LMO7: variants seen among roughly 807,000 people sequenced by gnomAD.
The protein encoded by LMO7 is LIM domain only protein 7.
LMO7 carries 120 observed loss-of-function variants against 206.5 expected under a neutral mutation model. The observed-to-expected ratio is 0.58, with a 90% CI of 0.50 to 0.68. The LOEUF is 0.68. Ranked by LOEUF, LMO7 falls within the 30% of genes least tolerant of loss-of-function variation. The pLI, the probability that LMO7 is intolerant of heterozygous loss-of-function variation, is 0.00. For synonymous variants in LMO7, 706 were observed against 681.5 expected (o/e 1.04, Z -0.56); for missense variants, 1,959 against 1,957.9 (o/e 1.00, Z -0.01).
At chr13:75,685,550 A>G (rs1373329504) in intron 1 of LMO7, among the ~76,000 whole-genome samples, 1 of 152,176 alleles carries the variant, frequency 6.6e-6, no homozygotes, top group Non-Finnish European at 1.5e-5. Flanking sequence ...AGCCTGTGGA[A>G]TATTTGCTTG....
At chr13:75,834,413 G>A (rs2058948026) in intron 17 of LMO7, 26 bp downstream of exon 17, 1 of 1,527,694 alleles carries the variant, frequency 6.5e-7, no homozygotes, top group Non-Finnish European at 8.8e-7. Flanking sequence ...CACCATGTCT[G>A]GCATTTGAAA....
rs561589777 is a variant in LMO7, at chr13:75,706,028, G to A, written c.70-7154G>A. ...TAACAGCTAGCATTTGTGAGTGCTTGTCTTGGGTCAGGCAAGTGCTAAGTG... is the reference window on the plus strand; with the variant it reads ...TAACAGCTAGCATTTGTGAGTGCTTATCTTGGGTCAGGCAAGTGCTAAGTG... On this transcript the variant is annotated intron_variant, in intron 1 of 30. Coordinates refer to ENST00000377534, the MANE Select transcript of LMO7 (RefSeq NM_001306080.2). Among the ~76,000 whole-genome samples, 4 of 152,258 alleles carry A rather than the reference G, an allele frequency of 2.6e-5. No homozygotes were observed. In the South Asian group the frequency reaches 8.3e-4, roughly 32 times the overall value.
chr13:75,656,243 G>A (rs1282701906), intron 1 of LMO7, among the ~76,000 whole-genome samples: 3 of 152,134 alleles, frequency 2.0e-5, no homozygotes, highest in African/African-American at 7.2e-5. Flanking sequence ...CACTCTCTGG[G>A]GGCCAAATAC....
intron 4 of LMO7, among the ~76,000 whole-genome samples, chr13:75,778,630 G>A (rs2050859393): frequency 6.6e-6 from 1 of 152,196 alleles, no homozygotes; most frequent in Non-Finnish European, 1.5e-5. Flanking sequence ...ATTGGCAGTC[G>A]TTCCAGGCGT....
intron 2 of LMO7, among the ~76,000 whole-genome samples, chr13:75,717,315 A>T (rs1723157420): frequency 6.9e-6 from 1 of 145,124 alleles, no homozygotes. Flanking sequence ...GTGAGTGGAG[A>T]TGGTACCACT....
chr13:75,716,466 A>C (rs1044627029), intron 2 of LMO7, among the ~76,000 whole-genome samples: 3 of 152,162 alleles, frequency 2.0e-5, no homozygotes, highest in Non-Finnish European at 4.4e-5. Context: ...TTGGGATTTC[A>C]TCAAGGAATA....
chr13:75,791,495 A>C (rs1055542206), intron 4 of LMO7, among the ~76,000 whole-genome samples: 2 of 152,198 alleles, frequency 1.3e-5, no homozygotes, highest in African/African-American at 4.8e-5. Flanking sequence ...ATTTAACCAG[A>C]ATTTGAGAGC....
chr13:75,859,752 C>T lies in LMO7; in HGVS notation c.*1809C>T, dbSNP rs1209830862. On this transcript the variant is annotated 3_prime_UTR_variant, in exon 31 of 31. Transcript: ENST00000377534. Reference sequence around the variant, plus strand: ...CCTATAAGCAGCACGTGGGCTTGTTCATCTCACTGCATGTTTATGAAGATA... The same window carrying T: ...CCTATAAGCAGCACGTGGGCTTGTTTATCTCACTGCATGTTTATGAAGATA... 2 of 152,132 alleles carry T rather than the reference C, an allele frequency of 1.3e-5. No individual in the cohort carries two copies. The highest frequency in any genetic ancestry group is 4.8e-5 in the African/African-American group (2 of 41,426). The allele number at this position is 152,132 out of a possible 1,614,324, so 9.4% of individuals were successfully genotyped here.
intron 11 of LMO7, among the ~76,000 whole-genome samples, chr13:75,812,464 T>C (rs1176537593): frequency 6.6e-6 from 1 of 151,156 alleles, no homozygotes; most frequent in Non-Finnish European, 1.5e-5. Flanking sequence ...ATGGAATTTC[T>C]GTTTGCCGTA....
rs779966190 is a variant in LMO7 at position 75,807,909 on chromosome 13, T to C, written c.1626T>C (p.Pro542=). Residue 542 remains proline, a synonymous_variant, in exon 10 of 31, where the codon CCT becomes CCC. Transcript: ENST00000377534. ...CCCCAGATAGATACCACCCAGTCCC[T>C]TTTCCCGAACCCTGGACTCTTCCTC... is the stretch of plus-strand genomic sequence containing the variant. ...SGAPDRYHPV[P]FPEPWTLPPE... is the part of the protein sequence containing the mutation. 5.0e-6 allele frequency: 8 copies of C among 1,613,754 alleles called. No individual in the cohort carries two copies. The South Asian group carries it at 8.8e-5, about 18-fold the overall frequency.
intron 13 of LMO7, among the ~76,000 whole-genome samples, chr13:75,820,322 T>G (rs1470863311): frequency 6.6e-6 from 1 of 152,220 alleles, no homozygotes; most frequent in Non-Finnish European, 1.5e-5. Flanking sequence ...TTTTAATCCC[T>G]GATAAATGTT....
At chr13:75,727,637 T>G (rs1314043737) in intron 3 of LMO7, among the ~76,000 whole-genome samples, 2 of 152,142 alleles carry the variant, frequency 1.3e-5, no homozygotes, top group Admixed American at 6.6e-5. Context: ...TTTTTATTAT[T>G]ATTATACTTT....
At chr13:75,811,994 CAA>C (rs2056449785) in intron 11 of LMO7, among the ~76,000 whole-genome samples, 1 of 151,862 alleles carries the variant, frequency 6.6e-6, no homozygotes, top group African/African-American at 2.4e-5. Context: ...CTTATGACAG[CAA>C]AAAAGAAAGG....
At chr13:75,819,180 G>A (rs557161047) in intron 12 of LMO7, 2 of 425,034 alleles carry the variant, frequency 4.7e-6, no homozygotes, top group Non-Finnish European at 8.3e-6. Context: ...CAAAAATGGG[G>A]TCTATCTTAT....
intron 4 of LMO7, among the ~76,000 whole-genome samples, chr13:75,793,661 A>C (rs1348623255): frequency 6.6e-6 from 1 of 152,214 alleles, no homozygotes; most frequent in Non-Finnish European, 1.5e-5. Context: ...AATTTATTCT[A>C]CTTGTTTACT....
chr13:75,677,672 AG>A (rs1359765999), intron 1 of LMO7, among the ~76,000 whole-genome samples: 1 of 149,128 alleles, frequency 6.7e-6, no homozygotes, highest in Non-Finnish European at 1.5e-5. Context: ...TTTAAGTTCT[AG>A]GGTACATGTG....
chr13:75,720,011 C>T (rs953737489), intron 2 of LMO7, among the ~76,000 whole-genome samples: 15 of 152,054 alleles, frequency 9.9e-5, no homozygotes, highest in African/African-American at 1.7e-4. Flanking sequence ...TGGTGTCGTC[C>T]GTGTTCTGAA....
At chr13:75,703,845 A>C (rs961725795) in intron 1 of LMO7, among the ~76,000 whole-genome samples, 1 of 152,198 alleles carries the variant, frequency 6.6e-6, no homozygotes, top group African/African-American at 2.4e-5. Flanking sequence ...AGGGACAGGA[A>C]AGAGGTAGGA....
At chr13:75,773,180 G>A (rs553188124) in intron 4 of LMO7, among the ~76,000 whole-genome samples, 12 of 152,200 alleles carry the variant, frequency 7.9e-5, no homozygotes, top group Admixed American at 4.6e-4. Context: ...ATTGAGTAAA[G>A]ATGAGTTAAG....
Sources: gnomAD v4.1 joint callset for allele counts (sites outside exome capture counted in the v4.1 genomes callset) on GRCh38, gnomAD v4.1.1 for gene constraint, MANE v1.5 for transcripts, NCBI Gene and HGNC (gene_info 2026-07-23, HGNC 2026-07-21) for gene names.